The following FSTL5 variants were observed in gnomAD, a reference collection of about 807,000 sequenced individuals.
The protein encoded by FSTL5 is follistatin like 5.
FSTL5 carries 62 observed loss-of-function variants against 89.1 expected under a neutral mutation model. The ratio of observed to expected loss-of-function variants is 0.70; its 90% CI spans 0.57 to 0.86. The LOEUF is 0.86. Among genes scored for constraint, FSTL5 ranks in the 40% least tolerant of loss-of-function variants. The probability of loss-of-function intolerance (pLI) is 0.00; values close to 1 mark genes in which losing one functional copy is unlikely to be tolerated. For synonymous variants in FSTL5, 383 were observed against 346.2 expected (o/e 1.11, Z -1.18); for missense variants, 1,057 against 1,001.6 (o/e 1.06, Z -0.75).
intron 7 of FSTL5, among the ~76,000 whole-genome samples, chr4:161,600,200 A>ACACACACAC (rs1395832923): frequency 9.6e-4 from 86 of 89,410 alleles, no homozygotes; most frequent in South Asian, 2.2e-3. Context: ...CACACACACA[A>ACACACACAC]ACAGTATGCC....
chr4:162,020,013 T>C (rs1279565409), intron 3 of FSTL5, among the ~76,000 whole-genome samples: 1 of 151,264 alleles, frequency 6.6e-6, no homozygotes, highest in Non-Finnish European at 1.5e-5. Flanking sequence ...TGAGCATCTA[T>C]TGAGTACCTA....
At chr4:161,498,365 C>CAG (rs1175567446) in intron 12 of FSTL5, among the ~76,000 whole-genome samples, 4 of 151,990 alleles carry the variant, frequency 2.6e-5, no homozygotes, top group African/African-American at 9.7e-5. Flanking sequence ...TTAACTCACC[C>CAG]AGAGCTGTCA....
chr4:161,633,404 T>C (rs528690124), intron 7 of FSTL5, among the ~76,000 whole-genome samples: 2 of 151,650 alleles, frequency 1.3e-5, no homozygotes, highest in East Asian at 3.9e-4. Context: ...TGGAGTGCAG[T>C]GGCGCGATCG....
intron 4 of FSTL5, among the ~76,000 whole-genome samples, chr4:161,871,996 AT>A (rs5863493): frequency 0.85 from 124,850 of 146,780 alleles, 54,107 homozygotes; most frequent in East Asian, 0.98. Context: ...AATTTTTTTA[AT>A]TTTTTTTTTT....
At chr4:161,392,718 T>C (rs1325079144) in intron 15 of FSTL5, among the ~76,000 whole-genome samples, 1 of 152,180 alleles carries the variant, frequency 6.6e-6, no homozygotes, top group African/African-American at 2.4e-5. Flanking sequence ...GTAGCTTCCC[T>C]AAAGTCACTC....
chr4:161,872,087 T>C (rs1052339421), intron 4 of FSTL5, among the ~76,000 whole-genome samples: 24 of 150,926 alleles, frequency 1.6e-4, no homozygotes, highest in Middle Eastern at 3.4e-3. Flanking sequence ...TAGCTGGGAC[T>C]ATAGGCACAC....
At chr4:161,833,173 C>T (rs975570701) in intron 4 of FSTL5, among the ~76,000 whole-genome samples, 1 of 151,800 alleles carries the variant, frequency 6.6e-6, no homozygotes, top group Admixed American at 6.6e-5. Context: ...TGTTCAGTAT[C>T]CATGTAGTTG....
chr4:161,537,337 G>A (rs1279610613), intron 10 of FSTL5, among the ~76,000 whole-genome samples: 1 of 152,140 alleles, frequency 6.6e-6, no homozygotes, highest in African/African-American at 2.4e-5. Flanking sequence ...CAGAGAACAA[G>A]GGGAGTAGTC....
At chr4:161,649,774 C>T (rs909464020) in intron 7 of FSTL5, among the ~76,000 whole-genome samples, 2 of 152,048 alleles carry the variant, frequency 1.3e-5, no homozygotes, top group African/African-American at 4.8e-5. Flanking sequence ...TATTGCATGC[C>T]AGAGATCTAT....
At chr4:161,920,886 C>A (rs184915785) in intron 3 of FSTL5, among the ~76,000 whole-genome samples, 7 of 152,150 alleles carry the variant, frequency 4.6e-5, no homozygotes, top group Admixed American at 3.9e-4. Flanking sequence ...CTTCTCCCTC[C>A]CCAGAGAAGT....
At chr4:162,045,177 G>T (rs901355203) in intron 2 of FSTL5, among the ~76,000 whole-genome samples, 1 of 152,086 alleles carries the variant, frequency 6.6e-6, no homozygotes, top group Non-Finnish European at 1.5e-5. Flanking sequence ...GATTTAAAGT[G>T]AGAGACATAC....
intron 8 of FSTL5, among the ~76,000 whole-genome samples, chr4:161,582,891 A>T (rs1158385468): frequency 6.6e-6 from 1 of 152,118 alleles, no homozygotes; most frequent in Non-Finnish European, 1.5e-5. Flanking sequence ...AAACTTTTTT[A>T]AAAAGTTCTG....
chr4:161,990,457 A>C (rs944556086), intron 3 of FSTL5, among the ~76,000 whole-genome samples: 4 of 152,246 alleles, frequency 2.6e-5, no homozygotes, highest in Admixed American at 1.3e-4. Flanking sequence ...ATTATTAAAG[A>C]ATACTACCTT....
At chr4:161,901,335 G>A (rs964810497) in intron 4 of FSTL5, among the ~76,000 whole-genome samples, 2 of 152,158 alleles carry the variant, frequency 1.3e-5, no homozygotes, top group African/African-American at 4.8e-5. Flanking sequence ...ACCATCTACA[G>A]ACAGCACACA....
At chr4:161,582,688 A>C (rs1035456987) in intron 8 of FSTL5, among the ~76,000 whole-genome samples, 4 of 152,196 alleles carry the variant, frequency 2.6e-5, no homozygotes, top group Non-Finnish European at 5.9e-5. Flanking sequence ...GTTTGGCAAA[A>C]TATTTTGATA....
intron 15 of FSTL5, among the ~76,000 whole-genome samples, chr4:161,434,702 G>C (rs1344923970): frequency 6.8e-6 from 1 of 147,580 alleles, no homozygotes; most frequent in Non-Finnish European, 1.5e-5. Flanking sequence ...GGATATATAA[G>C]AAGCTCAAAA....
chr4:161,575,793 A>G (rs1048548072), intron 8 of FSTL5, among the ~76,000 whole-genome samples: 1 of 152,088 alleles, frequency 6.6e-6, no homozygotes, highest in African/African-American at 2.4e-5. Flanking sequence ...TTTGGGTTTC[A>G]CATTTAAGTC....
At chr4:161,965,416 A>G (rs746038605) in intron 3 of FSTL5, among the ~76,000 whole-genome samples, 2 of 152,118 alleles carry the variant, frequency 1.3e-5, no homozygotes, top group Non-Finnish European at 2.9e-5. Flanking sequence ...TGCCTGGACT[A>G]GAGAAAGGGT....
At chr4:161,774,496 CT>C (rs1462188329) in intron 5 of FSTL5, among the ~76,000 whole-genome samples, 3 of 152,150 alleles carry the variant, frequency 2.0e-5, no homozygotes, top group African/African-American at 7.2e-5. Flanking sequence ...GAGTAAAGTG[CT>C]GTCCAGTGAC....
Sources: gnomAD v4.1 joint callset for allele counts (sites outside exome capture counted in the v4.1 genomes callset) on GRCh38, gnomAD v4.1.1 for gene constraint, MANE v1.5 for transcripts, NCBI Gene and HGNC (gene_info 2026-07-23, HGNC 2026-07-21) for gene names.